SCGN: variants seen among roughly 807,000 people sequenced by gnomAD.
The protein encoded by SCGN is secretagogin, EF-hand calcium binding protein, also known as secretagogin.
A neutral mutation model predicts 39.7 loss-of-function variants in SCGN; 30 were observed. The observed-to-expected ratio is 0.76, with a 90% CI of 0.57 to 1.03. SCGN has a LOEUF of 1.03. SCGN is among the 50% of genes least tolerant of loss of function. The probability of loss-of-function intolerance (pLI) is 0.00; values close to 1 mark genes in which losing one functional copy is unlikely to be tolerated. For missense variants in SCGN, 353 were observed against 349.4 expected (o/e 1.01, Z -0.08); for synonymous variants, 106 against 114.1 (o/e 0.93, Z 0.45).
chr6:25,678,450 C>T (rs6939153), intron 6 of SCGN, among the ~76,000 whole-genome samples: 30,244 of 151,978 alleles, frequency 0.2, 3,369 homozygotes, highest in East Asian at 0.45. Context: ...CTTGGGGGCA[C>T]ATCACAAAAC....
intron 2 of SCGN, among the ~76,000 whole-genome samples, chr6:25,655,302 C>A (rs1170565848): frequency 1.3e-5 from 2 of 152,184 alleles, no homozygotes; most frequent in Non-Finnish European, 2.9e-5. Context: ...ACTGTTGAAG[C>A]TGGAGTATCT....
intron 3 of SCGN, among the ~76,000 whole-genome samples, chr6:25,664,314 A>G (rs1269114437): frequency 6.6e-6 from 1 of 152,226 alleles, no homozygotes; most frequent in Non-Finnish European, 1.5e-5. Context: ...GAAATATTGT[A>G]TGTATACAAC....
chr6:25,680,069 T>C (rs1221627386), intron 6 of SCGN, among the ~76,000 whole-genome samples: 1 of 152,228 alleles, frequency 6.6e-6, no homozygotes, highest in Non-Finnish European at 1.5e-5. Context: ...TTTTACATTA[T>C]AAGGATGTTG....
intron 10 of SCGN, among the ~76,000 whole-genome samples, chr6:25,691,763 A>T (rs2151382881): frequency 6.6e-6 from 1 of 152,280 alleles, no homozygotes; most frequent in Non-Finnish European, 1.5e-5. Context: ...TCGACAATGA[A>T]TTTAGTAGTC....
At chr6:25,695,443 C>T (rs2151383723) in intron 10 of SCGN, among the ~76,000 whole-genome samples, 1 of 152,212 alleles carries the variant, frequency 6.6e-6, no homozygotes, top group Middle Eastern at 3.4e-3. Flanking sequence ...GTCAAGGGCA[C>T]TTAACATAAC....
rs189848314 is a variant in SCGN, at chr6:25,671,494, C to A, written c.471+1418C>A. ...CCTGGTAACTTGTAATTGGCCTAGA[C>A]AGGAGAAAACAAATGCCAAGGAGAG... On this transcript the variant is annotated intron_variant, in intron 6 of 10. Transcript: ENST00000377961. Among the ~76,000 whole-genome samples, 57 of 152,246 alleles carry A rather than the reference C, an allele frequency of 3.7e-4. No individual in the cohort carries two copies. In the South Asian group the frequency reaches 4.8e-3, roughly 13 times the overall value.
chr6:25,672,621 T>C (rs1759515884), intron 6 of SCGN, among the ~76,000 whole-genome samples: 1 of 152,098 alleles, frequency 6.6e-6, no homozygotes, highest in African/African-American at 2.4e-5. Flanking sequence ...CAAGAAAGGA[T>C]GAGACTAAAC....
chr6:25,674,216 ACT>A (rs1561765409), intron 6 of SCGN, among the ~76,000 whole-genome samples: 4 of 152,188 alleles, frequency 2.6e-5, no homozygotes, highest in Non-Finnish European at 1.5e-5. Flanking sequence ...CTTTTTATGC[ACT>A]GAGGTGAGAG....
chr6:25,678,225 G>A (rs1265083821), intron 6 of SCGN, among the ~76,000 whole-genome samples: 1 of 152,058 alleles, frequency 6.6e-6, no homozygotes, highest in Non-Finnish European at 1.5e-5. Context: ...TGGTAGAGGT[G>A]GGAAGAGTGA....
intron 8 of SCGN, 112 bp downstream of exon 8, chr6:25,689,329 G>C: frequency 2.6e-6 from 3 of 1,153,600 alleles, no homozygotes; most frequent in Non-Finnish European, 3.8e-6. Context: ...AACTTATTTA[G>C]AAAACAGACA....
At chr6:25,699,127 G>A (rs1269469371) in intron 10 of SCGN, among the ~76,000 whole-genome samples, 1 of 152,068 alleles carries the variant, frequency 6.6e-6, no homozygotes, top group Non-Finnish European at 1.5e-5. Flanking sequence ...CCTGCGGGTC[G>A]CTGCCTTCTC....
chr6:25,698,206 A>T (rs1185741294), intron 10 of SCGN, among the ~76,000 whole-genome samples: 4 of 152,188 alleles, frequency 2.6e-5, no homozygotes, highest in Non-Finnish European at 4.4e-5. Context: ...AACATAACTC[A>T]AAAGGTCCAA....
intron 10 of SCGN, among the ~76,000 whole-genome samples, chr6:25,698,744 C>T (rs938839002): frequency 2.0e-5 from 3 of 152,168 alleles, no homozygotes; most frequent in Non-Finnish European, 4.4e-5. Flanking sequence ...ATCATTCAGG[C>T]CACTCTCCAC....
chr6:25,682,066 A>C, intron 7 of SCGN, 60 bp downstream of exon 7: 4 of 1,287,512 alleles, frequency 3.1e-6, no homozygotes, highest in Non-Finnish European at 4.5e-6. Context: ...GTCTGATGAC[A>C]TCATATATTT....
intron 2 of SCGN, among the ~76,000 whole-genome samples, chr6:25,661,033 C>T (rs1760326211): frequency 6.6e-6 from 1 of 152,210 alleles, no homozygotes; most frequent in African/African-American, 2.4e-5. Context: ...CTTTGGTTAA[C>T]TCGGCAATTA....
intron 7 of SCGN, among the ~76,000 whole-genome samples, chr6:25,683,661 A>G (rs1759666492): frequency 6.6e-6 from 1 of 152,210 alleles, no homozygotes; most frequent in South Asian, 2.1e-4. Context: ...CATAGTGAAG[A>G]TATAGTGAAG....
intron 2 of SCGN, among the ~76,000 whole-genome samples, chr6:25,660,528 C>T (rs947760843): frequency 6.6e-6 from 1 of 152,076 alleles, no homozygotes; most frequent in African/African-American, 2.4e-5. Context: ...CATCTTGCAC[C>T]TGGGTTGTTC....
rs1379487227 is a variant in SCGN at position 25,691,095 on chromosome 6, T to C, written c.673T>C (p.Phe225Leu). Residue 225 changes from phenylalanine (F) to leucine (L), a missense_variant, in exon 10 of 11, where the codon TTT becomes CTT. By Grantham distance (22) the Phe-to-Leu change is conservative. Transcript: ENST00000377961. ...CCTGGAAGGCCCAGAAGTGGATGGG[T>C]TTGTCAAAGACATGATGGAGCTTGT... The part of the protein sequence containing the change: ...GALEGPEVDG[F>L]VKDMMELVQP... The C allele has an allele frequency of 1.9e-6, 3 of 1,613,922 alleles. No homozygotes were observed. The Admixed American group carries it at 5.0e-5, about 27-fold the overall frequency.
At chr6:25,681,662 C>T in intron 6 of SCGN, among the ~76,000 whole-genome samples, 1 of 152,150 alleles carries the variant, frequency 6.6e-6, no homozygotes, top group East Asian at 1.9e-4. Flanking sequence ...CTCCATGTCG[C>T]CAGAGTATAG....
Sources: allele counts gnomAD v4.1 joint callset (sites outside exome capture counted in the v4.1 genomes callset), GRCh38; gene constraint gnomAD v4.1.1; transcripts MANE v1.5; gene names NCBI Gene and HGNC (gene_info 2026-07-23, HGNC 2026-07-21).